The following EYA2 variants were observed in gnomAD, a reference collection of about 807,000 sequenced individuals.
The protein encoded by EYA2 is EYA transcriptional coactivator and phosphatase 2, also known as protein phosphatase EYA2.
EYA2 carries 31 observed loss-of-function variants against 69.2 expected under a neutral mutation model. That is an observed-to-expected ratio of 0.45 (90% CI 0.34 to 0.60). EYA2 has a LOEUF of 0.60. Ranked by LOEUF, EYA2 falls within the 20% of genes least tolerant of loss-of-function variation. The pLI is 0.02. For missense variants in EYA2, 622 were observed against 701.2 expected, an observed-to-expected ratio of 0.89 and a Z score of 1.28; for synonymous variants, 257 against 279.4, an observed-to-expected ratio of 0.92 and a Z score of 0.80.
chr20:47,178,747 G>A (rs1297011814), intron 12 of EYA2, among the ~76,000 whole-genome samples: 1 of 147,730 alleles, frequency 6.8e-6, no homozygotes, highest in East Asian at 2.1e-4. Context: ...TTTGTTGGAT[G>A]CATGGATGGA....
At chr20:47,072,276 CT>C (rs1379967972) in intron 6 of EYA2, 24 bp downstream of exon 6, 3 of 1,596,740 alleles carry the variant, frequency 1.9e-6, no homozygotes, top group South Asian at 2.3e-5. Context: ...CCTCCCGATT[CT>C]TTCCTCAGTT....
chr20:47,045,762 T>C (rs1478814485), intron 5 of EYA2, among the ~76,000 whole-genome samples: 1 of 152,216 alleles, frequency 6.6e-6, no homozygotes, highest in Admixed American at 6.5e-5. Context: ...ATCAATGGTA[T>C]ATGCGGGTTT....
chr20:47,131,841 T>C (rs1600730819), intron 9 of EYA2, among the ~76,000 whole-genome samples: 1 of 152,274 alleles, frequency 6.6e-6, no homozygotes, highest in South Asian at 2.1e-4. Context: ...TAATGTGTTA[T>C]GGCAGCCACG....
At chr20:47,163,555 G>A (rs3092125) in intron 10 of EYA2, among the ~76,000 whole-genome samples, 37,188 of 151,540 alleles carry the variant, frequency 0.25, 5,989 homozygotes, top group African/African-American at 0.47. Flanking sequence ...AAAATTAGCT[G>A]GGCGTGGTGG....
At chr20:47,140,799 C>T (rs1475386594) in intron 9 of EYA2, among the ~76,000 whole-genome samples, 1 of 152,146 alleles carries the variant, frequency 6.6e-6, no homozygotes, top group Non-Finnish European at 1.5e-5. Flanking sequence ...GTTTATTTGA[C>T]TTATGATTCT....
chr20:47,106,223 C>A lies in EYA2; in HGVS notation c.888+9055C>A, dbSNP rs192489526. Among the ~76,000 whole-genome samples, 13 of 152,156 alleles carry A rather than the reference C, an allele frequency of 8.5e-5. No individual in the cohort carries two copies. In the East Asian group the frequency reaches 2.5e-3, roughly 29 times the overall value. ...TTTCCTCTTGCCTCAGGCCCTGTGGCTTGGCCTGGAATGGCAAGCACCAGG... is the reference window on the plus strand; with the variant it reads ...TTTCCTCTTGCCTCAGGCCCTGTGGATTGGCCTGGAATGGCAAGCACCAGG... On this transcript the variant is annotated intron_variant, in intron 9 of 15. Coordinates refer to ENST00000327619, the MANE Select transcript of EYA2 (RefSeq NM_005244.5).
At chr20:46,954,727 C>A (rs1979011766) in intron 1 of EYA2, among the ~76,000 whole-genome samples, 5 of 152,224 alleles carry the variant, frequency 3.3e-5, no homozygotes, top group Admixed American at 6.5e-5. Context: ...AGCCACCTCT[C>A]CTCACAGTTT....
chr20:47,107,311 G>A (rs1337897370), intron 9 of EYA2, among the ~76,000 whole-genome samples: 1 of 151,928 alleles, frequency 6.6e-6, no homozygotes, highest in African/African-American at 2.4e-5. Context: ...GATGACTTGA[G>A]GCCAGGAGTT....
At chr20:47,125,047 GTTT>G (rs11478823) in intron 9 of EYA2, among the ~76,000 whole-genome samples, 2,162 of 88,330 alleles carry the variant, frequency 0.024, 52 homozygotes, top group African/African-American at 0.076. Context: ...TTTTGGTTAA[GTTT>G]TTTTTTTTTT....
At chr20:47,175,245 C>T (rs977415701) in intron 12 of EYA2, among the ~76,000 whole-genome samples, 9 of 152,206 alleles carry the variant, frequency 5.9e-5, no homozygotes, top group South Asian at 4.1e-4. Context: ...CACCACAGAT[C>T]CCCACGATTC....
At chr20:47,121,403 G>A (rs2033040780) in intron 9 of EYA2, among the ~76,000 whole-genome samples, 1 of 152,130 alleles carries the variant, frequency 6.6e-6, no homozygotes, top group Admixed American at 6.5e-5. Flanking sequence ...AGAATTCAAT[G>A]TTTTCGTAGG....
chr20:46,963,772 G>A (rs1979622942), intron 1 of EYA2, among the ~76,000 whole-genome samples: 1 of 152,268 alleles, frequency 6.6e-6, no homozygotes, highest in Non-Finnish European at 1.5e-5. Context: ...TCCCTGAGGA[G>A]GTAGCCTTCG....
intron 1 of EYA2, among the ~76,000 whole-genome samples, chr20:46,908,916 C>A (rs1984506094): frequency 9.4e-6 from 1 of 106,548 alleles, no homozygotes; most frequent in Non-Finnish European, 1.7e-5. Context: ...TTACCAATTC[C>A]TGACCAGAAA....
At chr20:47,126,593 A>G (rs556594341) in intron 9 of EYA2, among the ~76,000 whole-genome samples, 70 of 152,130 alleles carry the variant, frequency 4.6e-4, no homozygotes, top group Non-Finnish European at 6.2e-4. Flanking sequence ...TTTTTCATTT[A>G]GTTCATCTCT....
chr20:47,128,833 A>T (rs1168650438), intron 9 of EYA2, among the ~76,000 whole-genome samples: 1 of 152,184 alleles, frequency 6.6e-6, no homozygotes, highest in Non-Finnish European at 1.5e-5. Context: ...CATTTAAAAT[A>T]AAAAAATGGC....
At chr20:47,040,885 G>C (rs1471770150) in intron 5 of EYA2, among the ~76,000 whole-genome samples, 2 of 152,200 alleles carry the variant, frequency 1.3e-5, no homozygotes, top group African/African-American at 4.8e-5. Context: ...CTGTGACTTA[G>C]GGCTTATGTA....
At chr20:46,978,131 C>T (rs1353315749) in intron 1 of EYA2, 1 of 158,732 alleles carries the variant, frequency 6.3e-6, no homozygotes, top group African/African-American at 2.4e-5. Context: ...TCTTGGGCCT[C>T]CCGTTGGCCC....
chr20:47,160,278 C>T (rs927592146), intron 10 of EYA2, among the ~76,000 whole-genome samples: 1 of 152,170 alleles, frequency 6.6e-6, no homozygotes, highest in African/African-American at 2.4e-5. Context: ...ATATTTTTGG[C>T]TTTGCACATC....
chr20:47,061,827 G>A (rs578157373), intron 5 of EYA2, among the ~76,000 whole-genome samples: 6 of 152,274 alleles, frequency 3.9e-5, no homozygotes, highest in East Asian at 1.9e-4. Flanking sequence ...ATCACACATC[G>A]TGAACCACGT....
Sources: allele counts gnomAD v4.1 joint callset (sites outside exome capture counted in the v4.1 genomes callset), GRCh38; gene constraint gnomAD v4.1.1; transcripts MANE v1.5; gene names NCBI Gene and HGNC (gene_info 2026-07-23, HGNC 2026-07-21).